The following ERICH3 variants were observed in gnomAD, a reference collection of about 807,000 sequenced individuals.
ERICH3 encodes the protein glutamate rich 3, also known as glutamate-rich protein 3.
In ERICH3, 126 loss-of-function variants were observed where a neutral mutation model predicts 131.1. That is an observed-to-expected ratio of 0.96 (90% CI 0.83 to 1.11). The LOEUF (loss-of-function observed/expected upper bound fraction) is 1.11, where lower values mean the gene tolerates loss of function less well. Among genes scored for constraint, ERICH3 ranks in the 50% most tolerant of loss-of-function variants. ERICH3 has a pLI of 0.00. For missense variants in ERICH3, 2,050 were observed against 1,810.7 expected (o/e 1.13, Z -2.40); for synonymous variants, 695 against 644.6 (o/e 1.08, Z -1.18).
chr1:74,630,492 C>G (rs947139369), intron 7 of ERICH3, among the ~76,000 whole-genome samples: 1 of 152,152 alleles, frequency 6.6e-6, no homozygotes, highest in Admixed American at 6.5e-5. Flanking sequence ...CTCCTTCATT[C>G]TGAGCTGTTC....
intron 1 of ERICH3, among the ~76,000 whole-genome samples, chr1:74,651,821 C>A (rs1009915938): frequency 6.6e-6 from 1 of 152,062 alleles, no homozygotes; most frequent in Non-Finnish European, 1.5e-5. Context: ...GATAAATTAT[C>A]CCCTTCCTTA....
intron 1 of ERICH3, among the ~76,000 whole-genome samples, chr1:74,659,868 T>C (rs1410700273): frequency 5.3e-5 from 8 of 152,184 alleles, no homozygotes; most frequent in Non-Finnish European, 1.2e-4. Flanking sequence ...AAGTACTATC[T>C]GGATTCATTC....
chr1:74,615,975 T>C (rs1458098963), intron 8 of ERICH3, among the ~76,000 whole-genome samples: 1 of 151,994 alleles, frequency 6.6e-6, no homozygotes, highest in East Asian at 1.9e-4. Flanking sequence ...TGACTGTAGT[T>C]TGGGTTTTTT....
At chr1:74,578,311 A>G (rs1177035670) in intron 12 of ERICH3, 5 of 177,952 alleles carry the variant, frequency 2.8e-5, no homozygotes, top group Admixed American at 2.2e-4. Flanking sequence ...GATGATGATG[A>G]TGGTGATGGG....
At chr1:74,581,718 T>C (rs1647186149) in intron 12 of ERICH3, among the ~76,000 whole-genome samples, 2 of 152,206 alleles carry the variant, frequency 1.3e-5, no homozygotes, top group African/African-American at 4.8e-5. Context: ...TTTTTCTATG[T>C]CCTTATGTAT....
intron 1 of ERICH3, among the ~76,000 whole-genome samples, chr1:74,652,635 A>G (rs1363178007): frequency 6.6e-6 from 1 of 150,802 alleles, no homozygotes; most frequent in Non-Finnish European, 1.5e-5. Context: ...TGCAGCTTGT[A>G]TGTTACACTC....
chr1:74,646,879 A>AAGAC, intron 2 of ERICH3, 87 bp from the exon 3 acceptor site: 13 of 443,700 alleles, frequency 2.9e-5, no homozygotes, highest in South Asian at 7.0e-5. Context: ...GAGGGTGGAG[A>AAGAC]AGACAGACAG....
In ERICH3 at chr1:74,673,563, G is replaced by T. The variant is rs759313192; in HGVS notation, c.-44C>A. 1 of 1,603,296 alleles carries T rather than the reference G, an allele frequency of 6.2e-7. No homozygotes were observed. Among genetic ancestry groups the T allele is most frequent in the Non-Finnish European group, 8.5e-7 (1 of 1,175,274 alleles). ...GGACCCCGCGGCAGGTGCGGAGGGT[G>T]GGTGCGTGGGGCCCCGTGCGCGCTG... is the stretch of plus-strand genomic sequence containing the variant. On this transcript the variant is annotated 5_prime_UTR_variant, in exon 1 of 15. Coordinates refer to ENST00000326665, the MANE Select transcript of ERICH3 (RefSeq NM_001002912.5).
At chr1:74,579,346 CA>C (rs1647134936) in intron 12 of ERICH3, 7 of 956,362 alleles carry the variant, frequency 7.3e-6, no homozygotes, top group Non-Finnish European at 6.2e-6. Flanking sequence ...GGTACTGAAC[CA>C]AAAGACTACT....
chr1:74,627,719 A>G (rs1269730308), intron 7 of ERICH3, among the ~76,000 whole-genome samples: 2 of 152,152 alleles, frequency 1.3e-5, no homozygotes, highest in African/African-American at 4.8e-5. Context: ...ACACATATGC[A>G]GATTTTTTTC....
At chr1:74,595,535 C>T (rs1647806689) in intron 11 of ERICH3, among the ~76,000 whole-genome samples, 1 of 152,120 alleles carries the variant, frequency 6.6e-6, no homozygotes, top group Admixed American at 6.6e-5. Context: ...ATTTCACTTT[C>T]TAAACATTAA....
intron 1 of ERICH3, among the ~76,000 whole-genome samples, chr1:74,656,335 C>A (rs933151429): frequency 4.0e-4 from 61 of 152,210 alleles, no homozygotes; most frequent in Admixed American, 3.5e-3. Context: ...TTTAGTGTTT[C>A]TTTCTTTGGA....
intron 9 of ERICH3, 50 bp downstream of exon 9, chr1:74,612,573 G>C (rs1648747783): frequency 6.9e-7 from 1 of 1,449,954 alleles, no homozygotes; most frequent in Non-Finnish European, 9.3e-7. Context: ...GGCATTCAAA[G>C]AAAAATGTAG....
chr1:74,661,770 A>G (rs1307887489), intron 1 of ERICH3, among the ~76,000 whole-genome samples: 10 of 152,186 alleles, frequency 6.6e-5, no homozygotes. Context: ...TTAGCCCCGT[A>G]TTTTTGAAGG....
chr1:74,574,907 T>C (rs1369290813), intron 13 of ERICH3, among the ~76,000 whole-genome samples: 1 of 152,126 alleles, frequency 6.6e-6, no homozygotes, highest in Non-Finnish European at 1.5e-5. Flanking sequence ...TTTATATCAA[T>C]TTAATCTTTT....
chr1:74,582,084 C>G (rs566726978), intron 12 of ERICH3, among the ~76,000 whole-genome samples: 1 of 152,232 alleles, frequency 6.6e-6, no homozygotes, highest in South Asian at 2.1e-4. Context: ...GACTCTCTAC[C>G]CACCAGTGTA....
chr1:74,579,901 T>C (rs138897848), intron 12 of ERICH3: 1 of 984,508 alleles, frequency 1.0e-6, no homozygotes, highest in East Asian at 1.1e-4. Flanking sequence ...AGAAAATTTC[T>C]TAGAAAGTCA....
rs150867203 is a variant in ERICH3, at chr1:74,571,446, T to C, written c.4264A>G (p.Thr1422Ala). 5.9e-5 allele frequency: 96 copies of C among 1,613,924 alleles called. No homozygotes were observed. In the Middle Eastern group the frequency reaches 8.2e-4, roughly 14 times the overall value. ...CCAGCCTCTGTTGTATATGTCACTG[T>C]CATCTCCTCTGCTGCTGGCACTTCC... ...GEEVPAAEEM[T>A]VTYTTEAGVG... The change falls in exon 14 of 15, where the codon ACA (threonine) becomes GCA (alanine). Residue 1422 changes from threonine to alanine, a missense_variant. By Grantham distance (58) the Thr-to-Ala change is moderately conservative. Transcript: ENST00000326665.
At chr1:74,654,386 A>G (rs889015081) in intron 1 of ERICH3, among the ~76,000 whole-genome samples, 1 of 151,286 alleles carries the variant, frequency 6.6e-6, no homozygotes, top group Admixed American at 6.6e-5. Context: ...ATATATGTAT[A>G]TCCTACAGTA....
Sources: allele counts gnomAD v4.1 joint callset (sites outside exome capture counted in the v4.1 genomes callset), GRCh38; gene constraint gnomAD v4.1.1; transcripts MANE v1.5; gene names NCBI Gene and HGNC (gene_info 2026-07-23, HGNC 2026-07-21).